PLCB1: variants seen among roughly 807,000 people sequenced by gnomAD.
PLCB1 encodes the protein 1-phosphatidylinositol 4,5-bisphosphate phosphodiesterase beta-1.
A neutral mutation model predicts 161.8 loss-of-function variants in PLCB1; 46 were observed. The observed-to-expected ratio is 0.28, with a 90% CI of 0.22 to 0.36. The LOEUF is 0.36. Among genes scored for constraint, PLCB1 ranks in the 10% least tolerant of loss-of-function variants. The pLI is 1.00. For missense variants in PLCB1, 1,016 were observed against 1,472.5 expected (o/e 0.69, Z 5.07); for synonymous variants, 517 against 503.7 (o/e 1.03, Z -0.35).
chr20:8,530,631 C>T (rs1313459377), intron 3 of PLCB1, among the ~76,000 whole-genome samples: 1 of 151,972 alleles, frequency 6.6e-6, no homozygotes, highest in Non-Finnish European at 1.5e-5. Flanking sequence ...TTACGAATGC[C>T]CACATGTACT....
intron 3 of PLCB1, among the ~76,000 whole-genome samples, chr20:8,622,738 C>T (rs1330996603): frequency 7.5e-6 from 1 of 134,182 alleles, no homozygotes; most frequent in Non-Finnish European, 1.6e-5. Context: ...CAATCATCTC[C>T]AAAATAAATT....
intron 25 of PLCB1, among the ~76,000 whole-genome samples, chr20:8,763,295 G>A (rs578132715): frequency 6.6e-6 from 1 of 152,140 alleles, no homozygotes; most frequent in Non-Finnish European, 1.5e-5. Flanking sequence ...TCCGTCTCCC[G>A]GGTTCAAGTG....
chr20:8,418,360 C>G (rs1979390376), intron 3 of PLCB1, among the ~76,000 whole-genome samples: 1 of 152,172 alleles, frequency 6.6e-6, no homozygotes, highest in Non-Finnish European at 1.5e-5. Flanking sequence ...CCAGCCCAAC[C>G]TTCAGGCCAC....
At chr20:8,790,086 C>T in intron 30 of PLCB1, 89 bp from the exon 31 acceptor site, 2 of 816,916 alleles carry the variant, frequency 2.4e-6, no homozygotes, top group Non-Finnish European at 4.1e-6. Context: ...AAATGTAAGC[C>T]ATAGATCTGA....
chr20:8,576,805 C>T (rs1986684923), intron 3 of PLCB1, among the ~76,000 whole-genome samples: 1 of 152,108 alleles, frequency 6.6e-6, no homozygotes, highest in Admixed American at 6.6e-5. Flanking sequence ...GATATTAAAA[C>T]ATAATATTTT....
intron 27 of PLCB1, among the ~76,000 whole-genome samples, chr20:8,787,927 C>G (rs1241458267): frequency 7.9e-5 from 12 of 152,212 alleles, no homozygotes; most frequent in Admixed American, 7.9e-4. Flanking sequence ...CTCATGTTAT[C>G]CTCAAAGCAA....
At chr20:8,669,439 GT>G (rs1477967185) in intron 9 of PLCB1, among the ~76,000 whole-genome samples, 5 of 152,174 alleles carry the variant, frequency 3.3e-5, no homozygotes, top group Non-Finnish European at 7.3e-5. Context: ...CATTTGACTT[GT>G]TATACTGTTT....
intron 2 of PLCB1, among the ~76,000 whole-genome samples, chr20:8,266,593 A>G (rs1981965123): frequency 6.6e-6 from 1 of 152,202 alleles, no homozygotes; most frequent in African/African-American, 2.4e-5. Flanking sequence ...GAGGCTATTA[A>G]TTGGGGTGCT....
intron 3 of PLCB1, among the ~76,000 whole-genome samples, chr20:8,594,198 GCC>G (rs775996973): frequency 1.3e-5 from 2 of 152,096 alleles, no homozygotes; most frequent in South Asian, 4.1e-4. Context: ...CTCATGCCTA[GCC>G]CAGATCCATG....
At chr20:8,158,857 G>A (rs993646584) in intron 2 of PLCB1, among the ~76,000 whole-genome samples, 1 of 152,208 alleles carries the variant, frequency 6.6e-6, no homozygotes, top group African/African-American at 2.4e-5. Flanking sequence ...TCACACTGAT[G>A]CAAGAGATGG....
intron 23 of PLCB1, 116 bp downstream of exon 23, chr20:8,741,689 C>T: frequency 3.1e-6 from 2 of 645,222 alleles, no homozygotes; most frequent in South Asian, 3.4e-5. Flanking sequence ...ATTGGAACAA[C>T]ACTTTCATGC....
At chr20:8,768,031 A>C (rs1184335387) in intron 26 of PLCB1, among the ~76,000 whole-genome samples, 1 of 151,884 alleles carries the variant, frequency 6.6e-6, no homozygotes, top group African/African-American at 2.4e-5. Context: ...TTAGCCAGGC[A>C]TGGTGGCACA....
chr20:8,682,328 CCT>C (rs1299156924), intron 9 of PLCB1, among the ~76,000 whole-genome samples: 1 of 152,024 alleles, frequency 6.6e-6, no homozygotes, highest in African/African-American at 2.4e-5. Flanking sequence ...TAGGAAGACC[CCT>C]GTCTCTACAC....
chr20:8,387,260 A>C (rs1987450833), intron 3 of PLCB1, among the ~76,000 whole-genome samples: 1 of 152,102 alleles, frequency 6.6e-6, no homozygotes, highest in African/African-American at 2.4e-5. Flanking sequence ...TTTTGACTTA[A>C]AGTGAAAGGT....
chr20:8,166,163 G>A (rs901154849), intron 2 of PLCB1, among the ~76,000 whole-genome samples: 1 of 152,068 alleles, frequency 6.6e-6, no homozygotes, highest in African/African-American at 2.4e-5. Context: ...CTCATAGCAA[G>A]CTTCTTCAAA....
intron 2 of PLCB1, among the ~76,000 whole-genome samples, chr20:8,293,660 G>C (rs536298666): frequency 6.6e-6 from 1 of 151,980 alleles, no homozygotes; most frequent in Non-Finnish European, 1.5e-5. Context: ...TTTCATCTCA[G>C]TGAAAAAGGC....
Position 8,720,162 on chromosome 20 carries a change from C to T in PLCB1, c.1514-2192C>T, listed in dbSNP as rs140308987. On this transcript the variant is annotated intron_variant, in intron 14 of 31. Coordinates refer to ENST00000338037, the MANE Select transcript of PLCB1 (RefSeq NM_015192.4). ...CACAACTCTATCCGTTGAATGATAG[C>T]AAGCAAACCTTGTCTTCCTTTGCAT... Among the ~76,000 whole-genome samples the T allele has an allele frequency of 9.2e-3, 1,397 of 152,304 alleles. 9 individuals carry two copies. The highest frequency in any genetic ancestry group is 0.016 in the Non-Finnish European group (1,104 of 68,022).
At chr20:8,491,007 A>T (rs191047523) in intron 3 of PLCB1, among the ~76,000 whole-genome samples, 1 of 151,408 alleles carries the variant, frequency 6.6e-6, no homozygotes, top group African/African-American at 2.4e-5. Flanking sequence ...AGTCTGTGGC[A>T]TGTCTTTTCA....
chr20:8,737,290 A>C, intron 20 of PLCB1, 98 bp downstream of exon 20: 1 of 1,051,826 alleles, frequency 9.5e-7, no homozygotes, highest in Non-Finnish European at 1.4e-6. Context: ...ATTTAATTTG[A>C]AAATTTACAC....
Sources: allele counts gnomAD v4.1 joint callset (sites outside exome capture counted in the v4.1 genomes callset), GRCh38; gene constraint gnomAD v4.1.1; transcripts MANE v1.5; gene names NCBI Gene and HGNC (gene_info 2026-07-23, HGNC 2026-07-21).